The following KCNMB2 variants were observed in gnomAD, a reference collection of about 807,000 sequenced individuals.
KCNMB2 encodes the protein potassium calcium-activated channel subfamily M regulatory beta subunit 2, also known as calcium-activated potassium channel subunit beta-2.
In KCNMB2, 9 loss-of-function variants were observed where a neutral mutation model predicts 24.5. That is an observed-to-expected ratio of 0.37 (90% CI 0.22 to 0.64). KCNMB2 has a LOEUF of 0.64. KCNMB2 is among the 30% of genes least tolerant of loss of function. The probability of loss-of-function intolerance (pLI) is 0.63; values close to 1 mark genes in which losing one functional copy is unlikely to be tolerated. For synonymous variants in KCNMB2, 109 were observed against 104.4 expected (o/e 1.04, Z -0.27); for missense variants, 226 against 284.3 (o/e 0.79, Z 1.47).
At chr3:178,566,435 C>A (rs1716522465) in intron 1 of KCNMB2, among the ~76,000 whole-genome samples, 1 of 145,752 alleles carries the variant, frequency 6.9e-6, no homozygotes, top group African/African-American at 2.8e-5. Context: ...TGCACATGTG[C>A]ACACACACAT....
At chr3:178,831,630 A>T (rs1333295094) in intron 4 of KCNMB2, among the ~76,000 whole-genome samples, 1 of 152,164 alleles carries the variant, frequency 6.6e-6, no homozygotes, top group African/African-American at 2.4e-5. Flanking sequence ...TCATCATGCT[A>T]AGTAAACTAA....
At chr3:178,588,640 C>T (rs1577031466) in intron 1 of KCNMB2, among the ~76,000 whole-genome samples, 1 of 151,914 alleles carries the variant, frequency 6.6e-6, no homozygotes, top group Non-Finnish European at 1.5e-5. Flanking sequence ...TTCATAATAT[C>T]ATATGTATAT....
At chr3:178,790,134 T>A (rs963456917) in intron 1 of KCNMB2, among the ~76,000 whole-genome samples, 1 of 151,884 alleles carries the variant, frequency 6.6e-6, no homozygotes, top group Non-Finnish European at 1.5e-5. Context: ...TGCTTATGGA[T>A]GACATTTCTA....
At chr3:178,617,716 C>T (rs1170133288) in intron 1 of KCNMB2, among the ~76,000 whole-genome samples, 1 of 151,312 alleles carries the variant, frequency 6.6e-6, no homozygotes, top group African/African-American at 2.4e-5. Flanking sequence ...GATGAAACCC[C>T]GTCTCTACTA....
intron 1 of KCNMB2, among the ~76,000 whole-genome samples, chr3:178,685,356 C>A (rs774818266): frequency 3.7e-4 from 56 of 152,312 alleles, no homozygotes; most frequent in Admixed American, 6.5e-4. Context: ...GGAATCCACA[C>A]TTGAGAATGC....
Position 178,570,515 on chromosome 3 carries a change from C to CTTTTTT in KCNMB2, c.-68+33824_-68+33829dup, listed in dbSNP as rs200106452. Among the ~76,000 whole-genome samples, 555 of 114,328 alleles carry CTTTTTT rather than the reference C, an allele frequency of 4.9e-3. 2 individuals carry two copies. Among genetic ancestry groups the CTTTTTT allele is most frequent in the East Asian group, 6.2e-3 (21 of 3,382 alleles). 75.0% of individuals were successfully genotyped at this position (114,328 alleles called of 152,430 possible). A position where few individuals can be genotyped will look rare whatever the true frequency, so the allele number is the denominator to read the frequency against. The stretch of plus-strand genomic sequence containing the variant: ...GAACATTGACCAAAGGTAATGATAC[C>CTTTTTT]TTTTTTTTTTTTTTTTTTTTTTTTT... On this transcript the variant is annotated intron_variant, in intron 1 of 4. Transcript: ENST00000452583.
intron 1 of KCNMB2, among the ~76,000 whole-genome samples, chr3:178,765,162 T>C (rs1712063530): frequency 6.6e-6 from 1 of 152,212 alleles, no homozygotes; most frequent in Admixed American, 6.5e-5. Context: ...TCTTACAAAG[T>C]AGGCACCAAA....
At chr3:178,667,736 T>A (rs1252911370) in intron 1 of KCNMB2, among the ~76,000 whole-genome samples, 2 of 152,118 alleles carry the variant, frequency 1.3e-5, no homozygotes, top group Non-Finnish European at 2.9e-5. Context: ...CTGTTTAGCC[T>A]GGCAGACCTA....
At chr3:178,571,372 A>G (rs1286349017) in intron 1 of KCNMB2, among the ~76,000 whole-genome samples, 11 of 149,372 alleles carry the variant, frequency 7.4e-5, no homozygotes, top group Admixed American at 5.4e-4. Context: ...ACATAAATAT[A>G]TGGTGAATAA....
intron 1 of KCNMB2, among the ~76,000 whole-genome samples, chr3:178,793,620 G>A (rs541777134): frequency 1.8e-4 from 28 of 152,118 alleles, no homozygotes; most frequent in South Asian, 1.7e-3. Context: ...GAAGCACCAC[G>A]GCATGAAATG....
At chr3:178,632,930 A>G (rs947149430) in intron 1 of KCNMB2, among the ~76,000 whole-genome samples, 2 of 152,196 alleles carry the variant, frequency 1.3e-5, no homozygotes, top group African/African-American at 4.8e-5. Context: ...AATAGAAGAA[A>G]TTGTTCAAAA....
At chr3:178,665,254 AAG>A (rs2108575300) in intron 1 of KCNMB2, among the ~76,000 whole-genome samples, 1 of 152,258 alleles carries the variant, frequency 6.6e-6, no homozygotes, top group South Asian at 2.1e-4. Flanking sequence ...ACACTTTTAA[AAG>A]AGTTTATTAA....
chr3:178,773,047 G>A (rs912380942), intron 1 of KCNMB2, among the ~76,000 whole-genome samples: 1 of 151,972 alleles, frequency 6.6e-6, no homozygotes, highest in Non-Finnish European at 1.5e-5. Context: ...TTTGTTCTTG[G>A]ACCTCCCCTA....
At chr3:178,800,439 T>C (rs1215238285) in intron 1 of KCNMB2, among the ~76,000 whole-genome samples, 1 of 152,170 alleles carries the variant, frequency 6.6e-6, no homozygotes, top group African/African-American at 2.4e-5. Context: ...TCAACATCAT[T>C]GGTCATCAAA....
At chr3:178,765,942 CAG>C (rs1712099721) in intron 1 of KCNMB2, among the ~76,000 whole-genome samples, 1 of 152,048 alleles carries the variant, frequency 6.6e-6, no homozygotes, top group Non-Finnish European at 1.5e-5. Context: ...CCAAATATTC[CAG>C]AGTCTACTTT....
chr3:178,654,411 T>A lies in KCNMB2; in HGVS notation c.-68+117700T>A, dbSNP rs1720245536. Among the ~76,000 whole-genome samples, 3 of 152,102 alleles carry A rather than the reference T, an allele frequency of 2.0e-5. No homozygotes were observed. In the South Asian group the frequency reaches 6.2e-4, roughly 31 times the overall value. On this transcript the variant is annotated intron_variant, in intron 1 of 4. Transcript: ENST00000452583. ...AGGAAAATTTACAGCTTTGAATACA[T>A]TTATCACAAAACAAAGATGACCAAA...
chr3:178,548,100 A>G (rs1715834183), intron 1 of KCNMB2, among the ~76,000 whole-genome samples: 3 of 152,198 alleles, frequency 2.0e-5, no homozygotes, highest in Admixed American at 2.0e-4. Flanking sequence ...GGTTATTAAG[A>G]TAGTTTGCTA....
At chr3:178,758,673 G>GGAT (rs1711502026) in intron 1 of KCNMB2, among the ~76,000 whole-genome samples, 1 of 30,270 alleles carries the variant, frequency 3.3e-5, no homozygotes, top group Non-Finnish European at 6.0e-5. Flanking sequence ...TCTCCAAGAG[G>GGAT]ATATATATAT....
intron 1 of KCNMB2, among the ~76,000 whole-genome samples, chr3:178,586,925 C>A (rs1263237858): frequency 6.6e-6 from 1 of 152,086 alleles, no homozygotes; most frequent in African/African-American, 2.4e-5. Context: ...TTTTGTAGTA[C>A]AATATTGTTT....
Sources: allele counts gnomAD v4.1 joint callset (sites outside exome capture counted in the v4.1 genomes callset), GRCh38; gene constraint gnomAD v4.1.1; transcripts MANE v1.5; gene names NCBI Gene and HGNC (gene_info 2026-07-23, HGNC 2026-07-21).